Variants in SGCZ observed in about 807,000 individuals in gnomAD.
The protein encoded by SGCZ is zeta-sarcoglycan.
In SGCZ, 40 loss-of-function variants were observed where a neutral mutation model predicts 41.3. The ratio of observed to expected loss-of-function variants is 0.97; its 90% CI spans 0.75 to 1.26. SGCZ has a LOEUF of 1.26. Ranked by LOEUF, SGCZ falls within the 50% of genes most tolerant of loss-of-function variation. SGCZ has a pLI of 0.00. For synonymous variants in SGCZ, 206 were observed against 137.5 expected (o/e 1.50, Z -3.49); for missense variants, 552 against 369.8 (o/e 1.49, Z -4.04).
At chr8:14,635,892 A>G (rs537742180) in intron 1 of SGCZ, among the ~76,000 whole-genome samples, 108 of 152,004 alleles carry the variant, frequency 7.1e-4, no homozygotes, top group African/African-American at 2.5e-3. Context: ...TTGGGGCGTT[A>G]TTTAAGAAAA....
chr8:14,674,940 T>C (rs1167076276), intron 1 of SGCZ, among the ~76,000 whole-genome samples: 5 of 111,124 alleles, frequency 4.5e-5, no homozygotes, highest in Middle Eastern at 4.0e-3. Flanking sequence ...TTTTTTTTTT[T>C]TTTTTTTTTT....
intron 6 of SGCZ, among the ~76,000 whole-genome samples, chr8:14,102,855 G>C (rs1176014715): frequency 6.6e-6 from 1 of 152,052 alleles, no homozygotes; most frequent in African/African-American, 2.4e-5. Context: ...TAACTTACCA[G>C]TATATAACTT....
chr8:14,336,670 C>T (rs768639993), intron 2 of SGCZ, among the ~76,000 whole-genome samples: 3 of 152,000 alleles, frequency 2.0e-5, no homozygotes, highest in Non-Finnish European at 4.4e-5. Flanking sequence ...TGGTTTACAA[C>T]CAGAGTTTTA....
chr8:14,386,732 T>C lies in SGCZ; in HGVS notation c.235-62528A>G, dbSNP rs1380960485. Reference sequence around the variant, plus strand: ...AAGTTCATATTTCAAAAATCTTAATTACAAATCTTAAAAACCAAGCTTAGA... The same window carrying C: ...AAGTTCATATTTCAAAAATCTTAATCACAAATCTTAAAAACCAAGCTTAGA... On this transcript the variant is annotated intron_variant, in intron 2 of 7. Coordinates refer to ENST00000382080, the MANE Select transcript of SGCZ (RefSeq NM_139167.4). Among the ~76,000 whole-genome samples the C allele has an allele frequency of 4.6e-5, 7 of 152,278 alleles. No homozygotes were observed. In the East Asian group the frequency reaches 1.4e-3, roughly 29 times the overall value.
intron 4 of SGCZ, among the ~76,000 whole-genome samples, chr8:14,176,983 C>T (rs1397876216): frequency 5.3e-5 from 8 of 152,156 alleles, no homozygotes; most frequent in Admixed American, 1.3e-4. Flanking sequence ...CTCTGAGCTC[C>T]TTCCTACTTT....
At chr8:14,222,084 T>A (rs1468807236) in intron 4 of SGCZ, among the ~76,000 whole-genome samples, 1 of 152,166 alleles carries the variant, frequency 6.6e-6, no homozygotes, top group African/African-American at 2.4e-5. Flanking sequence ...CTGTAAGACT[T>A]CTTTAGAATC....
At chr8:14,983,994 A>T (rs1801752636) in intron 1 of SGCZ, among the ~76,000 whole-genome samples, 1 of 152,228 alleles carries the variant, frequency 6.6e-6, no homozygotes, top group Non-Finnish European at 1.5e-5. Flanking sequence ...TCAGTACTTA[A>T]CATTTATAAA....
At position 14,974,157 on chromosome 8, in the gene SGCZ, T is replaced by C. The variant is rs138414851; in HGVS notation, c.39+263428A>G. 9.3e-4 allele frequency among the ~76,000 whole-genome samples: 141 copies of C among 152,342 alleles called. 1 individual carries two copies. The highest frequency in any genetic ancestry group is 3.1e-3 in the African/African-American group (130 of 41,592). On this transcript the variant is annotated intron_variant, in intron 1 of 7. Coordinates refer to ENST00000382080, the MANE Select transcript of SGCZ (RefSeq NM_139167.4). Reference sequence around the variant, plus strand: ...TATAATTGTTGGAGTCATGATTTGCTTTTTTAAATTTCAGTGTAGAAAAGG... The same window carrying C: ...TATAATTGTTGGAGTCATGATTTGCCTTTTTAAATTTCAGTGTAGAAAAGG...
At chr8:15,181,747 T>A (rs1040054006) in intron 1 of SGCZ, among the ~76,000 whole-genome samples, 1 of 152,224 alleles carries the variant, frequency 6.6e-6, no homozygotes, top group Non-Finnish European at 1.5e-5. Context: ...AGTAAGTACC[T>A]ACATACATTT....
chr8:14,162,966 G>A (rs1255922254), intron 5 of SGCZ, among the ~76,000 whole-genome samples: 1 of 152,142 alleles, frequency 6.6e-6, no homozygotes, highest in Non-Finnish European at 1.5e-5. Flanking sequence ...GACCTCCTGG[G>A]CTCAAGCCAT....
intron 1 of SGCZ, among the ~76,000 whole-genome samples, chr8:15,095,738 C>T (rs1018583462): frequency 6.6e-6 from 1 of 152,140 alleles, no homozygotes; most frequent in Non-Finnish European, 1.5e-5. Flanking sequence ...GTAACACAGT[C>T]GTGGCTCATA....
chr8:14,529,750 C>A (rs1437165134), intron 2 of SGCZ, among the ~76,000 whole-genome samples: 2 of 152,074 alleles, frequency 1.3e-5, no homozygotes, highest in Non-Finnish European at 2.9e-5. Context: ...TGTCTATCTT[C>A]CTCCTTAAAA....
At chr8:15,178,680 G>A (rs528676608) in intron 1 of SGCZ, among the ~76,000 whole-genome samples, 1 of 152,066 alleles carries the variant, frequency 6.6e-6, no homozygotes, top group Non-Finnish European at 1.5e-5. Flanking sequence ...TTAACATATT[G>A]GAGCTATAAT....
At chr8:14,724,352 T>G (rs930223035) in intron 1 of SGCZ, among the ~76,000 whole-genome samples, 1 of 152,026 alleles carries the variant, frequency 6.6e-6, no homozygotes, top group Non-Finnish European at 1.5e-5. Context: ...TTCCTATTTC[T>G]ATTGTGAAGT....
intron 1 of SGCZ, among the ~76,000 whole-genome samples, chr8:15,028,793 A>G (rs766015724): frequency 9.2e-5 from 14 of 152,082 alleles, no homozygotes; most frequent in Non-Finnish European, 1.8e-4. Flanking sequence ...CTCAAAGACT[A>G]CATACTTCTT....
Position 14,693,582 on chromosome 8 carries a change from C to CTTT in SGCZ, c.40-138659_40-138657dup, listed in dbSNP as rs67757752. Among the ~76,000 whole-genome samples the CTTT allele has an allele frequency of 2.6e-3, 158 of 61,566 alleles. 20 individuals are homozygous for CTTT. Among genetic ancestry groups the CTTT allele is most frequent in the African/African-American group, 7.0e-3 (96 of 13,716 alleles). 40.4% of individuals were successfully genotyped at this position (61,566 alleles called of 152,430 possible). On this transcript the variant is annotated intron_variant, in intron 1 of 7. Coordinates refer to ENST00000382080, the MANE Select transcript of SGCZ (RefSeq NM_139167.4). ...TACAGGCGTCAGCTACCACGACTGG[C>CTTT]TTTTTTTTTTTTTTTTTTTTTTTTT...
chr8:14,698,189 T>G (rs2117589678), intron 1 of SGCZ, among the ~76,000 whole-genome samples: 1 of 152,124 alleles, frequency 6.6e-6, no homozygotes, highest in South Asian at 2.1e-4. Context: ...TTATACTGTT[T>G]GGTTATTTTT....
At chr8:15,174,703 C>T (rs1045996460) in intron 1 of SGCZ, among the ~76,000 whole-genome samples, 3 of 152,178 alleles carry the variant, frequency 2.0e-5, no homozygotes, top group African/African-American at 7.2e-5. Flanking sequence ...TGCCTTCCAA[C>T]ACTCGGTTCA....
chr8:14,716,186 T>C (rs1404212935), intron 1 of SGCZ, among the ~76,000 whole-genome samples: 1 of 150,874 alleles, frequency 6.6e-6, no homozygotes, highest in African/African-American at 2.4e-5. Context: ...TAGAACTTAA[T>C]AAAAATACAA....
Sources: allele counts gnomAD v4.1 joint callset (sites outside exome capture counted in the v4.1 genomes callset), GRCh38; gene constraint gnomAD v4.1.1; transcripts MANE v1.5; gene names NCBI Gene and HGNC (gene_info 2026-07-23, HGNC 2026-07-21).